The following SLC22A9 variants were observed in gnomAD, a reference collection of about 807,000 sequenced individuals.
SLC22A9 encodes organic anion transporter 7.
In SLC22A9, 64 loss-of-function variants were observed where a neutral mutation model predicts 50.1. The ratio of observed to expected loss-of-function variants is 1.28; its 90% CI spans 1.04 to 1.57. The LOEUF (loss-of-function observed/expected upper bound fraction) is 1.57. Ranked by LOEUF, SLC22A9 falls within the 40% of genes most tolerant of loss-of-function variation. SLC22A9 has a pLI of 0.00. For synonymous variants in SLC22A9, 261 were observed against 242.5 expected (o/e 1.08, Z -0.71); for missense variants, 757 against 676.1 (o/e 1.12, Z -1.33).
intron 6 of SLC22A9, among the ~76,000 whole-genome samples, chr11:63,391,394 C>G (rs60039724): frequency 0.019 from 2,848 of 152,148 alleles, 87 homozygotes; most frequent in African/African-American, 0.066. Context: ...TCTGGATGAT[C>G]TGTCCATTGC....
intron 6 of SLC22A9, among the ~76,000 whole-genome samples, chr11:63,385,704 A>T (rs897881934): frequency 2.6e-5 from 4 of 152,080 alleles, no homozygotes; most frequent in Non-Finnish European, 5.9e-5. Context: ...ATGAGTCAAT[A>T]GGGCTTTCTA....
At position 63,370,613 on chromosome 11, in the gene SLC22A9, T is replaced by G. The variant is rs181719225; in HGVS notation, c.402+155T>G. ...GCTTCTTTATTAAATGTCTGACACC[T>G]ACACATTTTGAGTAATGAATTCCAA... On this transcript the variant is annotated intron_variant, in intron 1 of 9. Coordinates refer to ENST00000279178, the MANE Select transcript of SLC22A9 (RefSeq NM_080866.3). 8.9e-4 allele frequency among the ~76,000 whole-genome samples: 135 copies of G among 152,340 alleles called. 1 individual carries two copies. Among genetic ancestry groups the G allele is most frequent in the African/African-American group, 3.0e-3 (125 of 41,586 alleles).
rs1028395080 is a variant in SLC22A9 at position 63,409,936 on chromosome 11, A to G, written c.*74A>G. 1 of 1,521,178 alleles carries G rather than the reference A, an allele frequency of 6.6e-7. No homozygotes were observed. The highest frequency in any genetic ancestry group is 9.1e-7 in the Non-Finnish European group (1 of 1,100,446). 94.2% of individuals were successfully genotyped at this position (1,521,178 alleles called of 1,614,324 possible). On this transcript the variant is annotated 3_prime_UTR_variant, in exon 10 of 10. Transcript: ENST00000279178. The stretch of plus-strand genomic sequence containing the variant: ...ATCAGGACTATTCCTAGACACTAGC[A>G]AAATCTAGAAAATAAATAACAAGGC...
intron 6 of SLC22A9, among the ~76,000 whole-genome samples, chr11:63,388,399 A>G (rs2014705925): frequency 6.6e-6 from 1 of 151,080 alleles, no homozygotes; most frequent in Non-Finnish European, 1.5e-5. Context: ...GTTGAAGTTT[A>G]TCATATGCTT....
intron 6 of SLC22A9, among the ~76,000 whole-genome samples, chr11:63,402,190 G>A (rs942409650): frequency 6.6e-6 from 1 of 151,938 alleles, no homozygotes; most frequent in East Asian, 1.9e-4. Context: ...CTTTGCCAGG[G>A]CTGATGTTCA....
intron 4 of SLC22A9, among the ~76,000 whole-genome samples, chr11:63,375,022 G>T (rs1029193806): frequency 6.6e-6 from 1 of 152,118 alleles, no homozygotes; most frequent in African/African-American, 2.4e-5. Flanking sequence ...TTAGAGAGAT[G>T]ATTACAGATT....
chr11:63,409,259 C>CTCT (rs1176726541), intron 9 of SLC22A9, among the ~76,000 whole-genome samples: 2 of 152,156 alleles, frequency 1.3e-5, no homozygotes, highest in African/African-American at 4.8e-5. Context: ...AAGTGGGTAC[C>CTCT]TGTAAGCTGT....
intron 6 of SLC22A9, among the ~76,000 whole-genome samples, chr11:63,398,962 C>T (rs2014907936): frequency 6.6e-6 from 1 of 152,150 alleles, no homozygotes; most frequent in Non-Finnish European, 1.5e-5. Context: ...TCAGTGTATG[C>T]ATCCTTATTA....
In SLC22A9 at chr11:63,383,844, A is replaced by T. The variant is rs953311512; in HGVS notation, c.1073+1567A>T. Among the ~76,000 whole-genome samples the T allele has an allele frequency of 5.3e-5, 8 of 152,208 alleles. No homozygotes were observed. In the South Asian group the frequency reaches 1.7e-3, roughly 32 times the overall value. On this transcript the variant is annotated intron_variant, in intron 6 of 9. Transcript: ENST00000279178. ...GGCAGGTAGATCACGAGGTCAAGAG[A>T]TAGAGATCATTCTGGCCAACATAGT...
chr11:63,403,035 G>A (rs1357046636), intron 6 of SLC22A9, among the ~76,000 whole-genome samples: 2 of 152,012 alleles, frequency 1.3e-5, no homozygotes. Flanking sequence ...GTTATAAAAA[G>A]TCAATGACAT....
intron 2 of SLC22A9, among the ~76,000 whole-genome samples, chr11:63,373,062 A>G (rs2014391855): frequency 6.6e-6 from 1 of 151,968 alleles, no homozygotes; most frequent in Non-Finnish European, 1.5e-5. Flanking sequence ...CCAGTTGTCT[A>G]CAGAGAGGAC....
intron 6 of SLC22A9, among the ~76,000 whole-genome samples, chr11:63,393,516 A>G (rs1205999614): frequency 2.6e-5 from 4 of 152,046 alleles, no homozygotes; most frequent in Non-Finnish European, 4.4e-5. Context: ...TCTCAGAGGG[A>G]ATGCTTTCAA....
chr11:63,396,282 CA>C (rs1234222911), intron 6 of SLC22A9, among the ~76,000 whole-genome samples: 1 of 152,192 alleles, frequency 6.6e-6, no homozygotes, highest in Admixed American at 6.5e-5. Flanking sequence ...CTTCCTGTGA[CA>C]TTTTTCTGCC....
At chr11:63,394,466 C>A (rs1251671118) in intron 6 of SLC22A9, among the ~76,000 whole-genome samples, 2 of 152,016 alleles carry the variant, frequency 1.3e-5, no homozygotes, top group African/African-American at 4.8e-5. Flanking sequence ...AAAAGACAAT[C>A]TTTCCTTCAT....
chr11:63,389,469 A>G (rs1047889783), intron 6 of SLC22A9, among the ~76,000 whole-genome samples: 6 of 152,050 alleles, frequency 3.9e-5, no homozygotes, highest in Admixed American at 6.6e-5. Context: ...GCTAAGAATG[A>G]TGGCTTCCAG....
intron 6 of SLC22A9, among the ~76,000 whole-genome samples, chr11:63,405,663 C>T (rs2120018745): frequency 6.6e-6 from 1 of 152,218 alleles, no homozygotes; most frequent in East Asian, 1.9e-4. Flanking sequence ...AGTGACATTT[C>T]TGATTGTAAT....
At chr11:63,395,286 T>G (rs2075015229) in intron 6 of SLC22A9, among the ~76,000 whole-genome samples, 1 of 152,006 alleles carries the variant, frequency 6.6e-6, no homozygotes, top group South Asian at 2.1e-4. Flanking sequence ...GGTGAGCTAG[T>G]GTAATGTTGG....
intron 6 of SLC22A9, among the ~76,000 whole-genome samples, chr11:63,398,618 A>G (rs923819543): frequency 6.6e-6 from 1 of 152,176 alleles, no homozygotes; most frequent in Middle Eastern, 3.4e-3. Context: ...CTGATTCCCA[A>G]TGCAAAGTCC....
At position 63,370,039 on chromosome 11, in the gene SLC22A9, A is replaced by T; in HGVS notation, c.-18A>T. 2 of 1,599,192 alleles carry T rather than the reference A, an allele frequency of 1.3e-6. No individual in the cohort carries two copies. The highest frequency in any genetic ancestry group is 1.7e-6 in the Non-Finnish European group (2 of 1,172,628). On this transcript the variant is annotated 5_prime_UTR_variant, in exon 1 of 10. Coordinates refer to ENST00000279178, the MANE Select transcript of SLC22A9 (RefSeq NM_080866.3). ...ACAGTCATTTTGCCTCTACTTGAGG[A>T]TCAACTGTTCAACCTCAATGGCCTT...
Sources: gnomAD v4.1 joint callset for allele counts (sites outside exome capture counted in the v4.1 genomes callset) on GRCh38, gnomAD v4.1.1 for gene constraint, MANE v1.5 for transcripts, NCBI Gene and HGNC (gene_info 2026-07-23, HGNC 2026-07-21) for gene names.